The following ADAMTSL3 variants were observed in gnomAD, a reference collection of about 807,000 sequenced individuals.
ADAMTSL3 encodes the protein ADAMTS like 3.
A neutral mutation model predicts 201.7 loss-of-function variants in ADAMTSL3; 128 were observed. The observed-to-expected ratio is 0.63, with a 90% CI of 0.55 to 0.73. The LOEUF (loss-of-function observed/expected upper bound fraction) is 0.73. Ranked by LOEUF, ADAMTSL3 falls within the 30% of genes least tolerant of loss-of-function variation. The probability of loss-of-function intolerance (pLI) is 0.00; values close to 1 mark genes in which losing one functional copy is unlikely to be tolerated. For synonymous variants in ADAMTSL3, 738 were observed against 748.4 expected (o/e 0.99, Z 0.23); for missense variants, 1,990 against 2,119.6 (o/e 0.94, Z 1.20).
intron 4 of ADAMTSL3, among the ~76,000 whole-genome samples, chr15:83,797,042 G>T (rs534489686): frequency 1.3e-5 from 2 of 151,880 alleles, no homozygotes; most frequent in Non-Finnish European, 2.9e-5. Context: ...AGGAAAATAC[G>T]GATAAATTCA....
intron 2 of ADAMTSL3, among the ~76,000 whole-genome samples, chr15:83,672,582 G>A (rs1393057547): frequency 6.6e-6 from 1 of 152,178 alleles, no homozygotes; most frequent in Non-Finnish European, 1.5e-5. Flanking sequence ...CCATTTGTTG[G>A]CAGTCATTTG....
At chr15:84,007,876 A>G (rs2067923150) in intron 23 of ADAMTSL3, among the ~76,000 whole-genome samples, 1 of 152,170 alleles carries the variant, frequency 6.6e-6, no homozygotes, top group Non-Finnish European at 1.5e-5. Context: ...CCATCCCTAA[A>G]TTCCCTGCCC....
intron 2 of ADAMTSL3, among the ~76,000 whole-genome samples, chr15:83,678,801 T>A (rs1251323107): frequency 1.4e-5 from 2 of 142,868 alleles, no homozygotes; most frequent in East Asian, 3.9e-4. Flanking sequence ...ATATATAATA[T>A]ATATTTATAT....
intron 2 of ADAMTSL3, among the ~76,000 whole-genome samples, chr15:83,696,791 T>C (rs2061693544): frequency 6.6e-6 from 1 of 152,150 alleles, no homozygotes; most frequent in Non-Finnish European, 1.5e-5. Flanking sequence ...CCCACAAATT[T>C]GGGCTGACGT....
intron 3 of ADAMTSL3, among the ~76,000 whole-genome samples, chr15:83,744,978 A>T (rs2062520955): frequency 6.6e-6 from 1 of 152,238 alleles, no homozygotes; most frequent in African/African-American, 2.4e-5. Context: ...AAGTGAGAAC[A>T]TGCATTCCTG....
At chr15:83,748,654 A>T (rs1178428923) in intron 3 of ADAMTSL3, among the ~76,000 whole-genome samples, 2 of 150,580 alleles carry the variant, frequency 1.3e-5, no homozygotes, top group Non-Finnish European at 3.0e-5. Flanking sequence ...TGTCTCAAAA[A>T]AAAAAAAAAA....
intron 17 of ADAMTSL3, among the ~76,000 whole-genome samples, chr15:83,925,778 A>G (rs2066234676): frequency 6.6e-6 from 1 of 152,120 alleles, no homozygotes; most frequent in Non-Finnish European, 1.5e-5. Context: ...TTTCTGTTCT[A>G]TTATTGGAAC....
At chr15:83,831,256 T>A (rs1357243126) in intron 6 of ADAMTSL3, among the ~76,000 whole-genome samples, 2 of 152,200 alleles carry the variant, frequency 1.3e-5, no homozygotes, top group African/African-American at 4.8e-5. Flanking sequence ...ATGGTCACAT[T>A]CACAGGATCT....
intron 9 of ADAMTSL3, 35 bp downstream of exon 9, chr15:83,870,994 G>A: frequency 6.3e-7 from 1 of 1,597,252 alleles, no homozygotes; most frequent in Non-Finnish European, 8.5e-7. Flanking sequence ...TCATGTACCT[G>A]AATCCCAGAA....
intron 5 of ADAMTSL3, among the ~76,000 whole-genome samples, chr15:83,806,995 C>G (rs896969383): frequency 2.0e-4 from 30 of 152,066 alleles, no homozygotes; most frequent in African/African-American, 6.8e-4. Context: ...AAAAAGAATT[C>G]AAAGTAGTGA....
chr15:83,942,592 T>C lies in ADAMTSL3; in HGVS notation c.2118-4T>C. 2 of 1,610,640 alleles carry C rather than the reference T, an allele frequency of 1.2e-6. No homozygotes were observed. Among genetic ancestry groups the C allele is most frequent in the African/African-American group, 2.7e-5 (2 of 74,960 alleles). The stretch of plus-strand genomic sequence containing the variant: ...CAACTTTCCCCACTTGTTTTCTGTT[T>C]TAGGTGGCATGTGGGCTCTTGGGGG... On this transcript the variant is annotated splice_region_variant and splice_polypyrimidine_tract_variant and intron_variant, in intron 17 of 29. Coordinates refer to ENST00000286744, the MANE Select transcript of ADAMTSL3 (RefSeq NM_207517.3).
intron 23 of ADAMTSL3, among the ~76,000 whole-genome samples, chr15:84,006,970 T>G (rs2067906503): frequency 2.0e-5 from 3 of 152,066 alleles, no homozygotes; most frequent in Non-Finnish European, 4.4e-5. Context: ...AAGGGAGAGA[T>G]TAAGACTGGA....
At chr15:83,895,101 GA>G in intron 13 of ADAMTSL3, among the ~76,000 whole-genome samples, 1 of 152,298 alleles carries the variant, frequency 6.6e-6, no homozygotes, top group Middle Eastern at 3.4e-3. Context: ...GACCGGGATG[GA>G]AGGATTTTAT....
intron 23 of ADAMTSL3, among the ~76,000 whole-genome samples, chr15:84,001,252 G>A (rs552935574): frequency 6.6e-6 from 1 of 152,318 alleles, no homozygotes; most frequent in South Asian, 2.1e-4. Context: ...TAGGGCTAGG[G>A]TGTTGACAAG....
At chr15:83,687,070 G>A (rs2061546947) in intron 2 of ADAMTSL3, among the ~76,000 whole-genome samples, 1 of 151,946 alleles carries the variant, frequency 6.6e-6, no homozygotes, top group Non-Finnish European at 1.5e-5. Flanking sequence ...AGCTGGCATA[G>A]TGGAGGTCCT....
chr15:83,919,230 A>G (rs1279015555), intron 16 of ADAMTSL3, among the ~76,000 whole-genome samples: 1 of 152,186 alleles, frequency 6.6e-6, no homozygotes, highest in Non-Finnish European at 1.5e-5. Flanking sequence ...AGCCAGGGGC[A>G]TGGACAAGAA....
rs150523138 is a variant in ADAMTSL3, at chr15:83,920,403, C to G, written c.1988-3501C>G. Among the ~76,000 whole-genome samples, 5 of 152,330 alleles carry G rather than the reference C, an allele frequency of 3.3e-5. No individual in the cohort carries two copies. In the East Asian group the frequency reaches 9.6e-4, roughly 29 times the overall value. ...CAAATGGCTTTCAACAATCCTTAAT[C>G]TTTAGCAGCTGTCTCCTCAATTGGT... On this transcript the variant is annotated intron_variant, in intron 16 of 29. Coordinates refer to ENST00000286744, the MANE Select transcript of ADAMTSL3 (RefSeq NM_207517.3).
At chr15:83,962,554 A>C (rs1273416332) in intron 19 of ADAMTSL3, 1 of 152,188 alleles carries the variant, frequency 6.6e-6, no homozygotes, top group Non-Finnish European at 1.5e-5. Flanking sequence ...ATCTAATAAA[A>C]TTGCATTAAA....
chr15:83,867,230 A>G (rs1256693571), intron 8 of ADAMTSL3, among the ~76,000 whole-genome samples: 1 of 152,208 alleles, frequency 6.6e-6, no homozygotes, highest in Admixed American at 6.5e-5. Flanking sequence ...AGCAACATCA[A>G]TGTCAGTCTC....
Sources: gnomAD v4.1 joint callset for allele counts (sites outside exome capture counted in the v4.1 genomes callset) on GRCh38, gnomAD v4.1.1 for gene constraint, MANE v1.5 for transcripts, NCBI Gene and HGNC (gene_info 2026-07-23, HGNC 2026-07-21) for gene names.